Variants in SLC38A1 observed in about 807,000 individuals in gnomAD.
SLC38A1 encodes sodium-coupled neutral amino acid symporter 1.
A neutral mutation model predicts 60.3 loss-of-function variants in SLC38A1; 18 were observed. That is an observed-to-expected ratio of 0.30 (90% CI 0.21 to 0.44). The LOEUF is 0.44. SLC38A1 is among the 20% of genes least tolerant of loss of function. The pLI, the probability that SLC38A1 is intolerant of heterozygous loss-of-function variation, is 1.00. For synonymous variants in SLC38A1, 196 were observed against 212.1 expected (o/e 0.92, Z 0.66); for missense variants, 448 against 587.2 (o/e 0.76, Z 2.45).
Position 46,201,281 on chromosome 12 carries a change from ACTTTG to A in SLC38A1, c.903-88_903-84del, listed in dbSNP as rs1362070812. ...GTTAACATTGAAGAATACTAATTTAACTTTGCTTCTGTCAGGTTAGGGAAGATCTG... is the reference window on the plus strand; with the variant it reads ...GTTAACATTGAAGAATACTAATTTAACTTCTGTCAGGTTAGGGAAGATCTG... On this transcript the variant is annotated intron_variant, in intron 12 of 16. Transcript: ENST00000398637. 6 of 1,171,854 alleles carry A rather than the reference ACTTTG, an allele frequency of 5.1e-6. No individual in the cohort carries two copies. In the African/African-American group the frequency reaches 9.3e-5, roughly 18 times the overall value. 72.6% of individuals were successfully genotyped at this position (1,171,854 alleles called of 1,614,324 possible).
intron 5 of SLC38A1, among the ~76,000 whole-genome samples, chr12:46,220,298 A>C (rs1940607735): frequency 6.6e-6 from 1 of 152,130 alleles, no homozygotes; most frequent in Non-Finnish European, 1.5e-5. Flanking sequence ...CCGGGTTATT[A>C]CTCCCAAACA....
At chr12:46,201,659 C>T (rs1939664775) in intron 12 of SLC38A1, among the ~76,000 whole-genome samples, 1 of 151,880 alleles carries the variant, frequency 6.6e-6, no homozygotes, top group Non-Finnish European at 1.5e-5. Flanking sequence ...CAGGGATGCA[C>T]CTGGAAGTCT....
intron 16 of SLC38A1, among the ~76,000 whole-genome samples, chr12:46,193,656 T>C (rs1565747594): frequency 6.6e-6 from 1 of 152,232 alleles, no homozygotes; most frequent in Non-Finnish European, 1.5e-5. Flanking sequence ...TAGGTCTTCT[T>C]GGTGAATTGA....
chr12:46,215,459 T>C (rs1940364867), intron 5 of SLC38A1, among the ~76,000 whole-genome samples: 1 of 152,280 alleles, frequency 6.6e-6, no homozygotes, highest in Admixed American at 6.5e-5. Flanking sequence ...TCACCCAGGC[T>C]GGAGTGCAGT....
Position 46,187,972 on chromosome 12 carries a change from G to GT in SLC38A1, c.*997dup, listed in dbSNP as rs373612843. The stretch of plus-strand genomic sequence containing the variant: ...AGTTACTTATCCTAGATCATCCTTA[G>GT]TTAGGTACACATGATTCTCTGTGCA... On this transcript the variant is annotated 3_prime_UTR_variant, in exon 17 of 17. Coordinates refer to ENST00000398637, the MANE Select transcript of SLC38A1 (RefSeq NM_030674.4). 6.6e-6 allele frequency: 1 copy of GT among 152,064 alleles called. No homozygotes were observed. Among genetic ancestry groups the GT allele is most frequent in the African/African-American group, 2.4e-5 (1 of 41,390 alleles). The allele number at this position is 152,064 out of a possible 1,614,324, so 9.4% of individuals were successfully genotyped here. A position where few individuals can be genotyped will look rare whatever the true frequency, so the allele number is the denominator to read the frequency against.
chr12:46,201,942 C>T (rs1027032652), intron 12 of SLC38A1, among the ~76,000 whole-genome samples: 2 of 151,140 alleles, frequency 1.3e-5, no homozygotes, highest in African/African-American at 4.9e-5. Flanking sequence ...CCTATAATCC[C>T]AGCACTTTGG....
At chr12:46,191,735 T>C (rs1262195969) in intron 16 of SLC38A1, among the ~76,000 whole-genome samples, 2 of 152,270 alleles carry the variant, frequency 1.3e-5, no homozygotes, top group South Asian at 4.1e-4. Context: ...TGTTTGTCTA[T>C]TATTGGTGTA....
chr12:46,239,015 T>G (rs1941352004), intron 3 of SLC38A1: 1 of 152,230 alleles, frequency 6.6e-6, no homozygotes, highest in African/African-American at 2.4e-5. Flanking sequence ...GATTAAAATA[T>G]GTACAGATGA....
At chr12:46,226,583 A>T (rs1242920155) in intron 5 of SLC38A1, among the ~76,000 whole-genome samples, 1 of 151,654 alleles carries the variant, frequency 6.6e-6, no homozygotes, top group Non-Finnish European at 1.5e-5. Context: ...ACAATAATGT[A>T]AAAAAATTTC....
chr12:46,226,942 A>G (rs141287503), intron 5 of SLC38A1, among the ~76,000 whole-genome samples: 2 of 152,298 alleles, frequency 1.3e-5, no homozygotes, highest in East Asian at 3.9e-4. Context: ...TTCTAAAAGA[A>G]AAGATTGCAC....
intron 5 of SLC38A1, among the ~76,000 whole-genome samples, chr12:46,220,851 A>G (rs1179290537): frequency 6.6e-6 from 1 of 152,196 alleles, no homozygotes; most frequent in African/African-American, 2.4e-5. Context: ...TAAGAATATA[A>G]TTCTCCCGAT....
intron 1 of SLC38A1, among the ~76,000 whole-genome samples, chr12:46,254,403 G>A (rs1941955882): frequency 6.6e-6 from 1 of 152,202 alleles, no homozygotes; most frequent in Admixed American, 6.5e-5. Context: ...TAGTAACACT[G>A]ATTTGCTTTA....
intron 4 of SLC38A1, 88 bp from the exon 5 acceptor site, chr12:46,229,356 C>T: frequency 1.1e-6 from 1 of 916,304 alleles, no homozygotes; most frequent in Non-Finnish European, 1.7e-6. Context: ...TCTCAGGAAC[C>T]AATATGGAAG....
intron 1 of SLC38A1, among the ~76,000 whole-genome samples, chr12:46,255,577 T>C (rs1941992623): frequency 6.6e-6 from 1 of 152,242 alleles, no homozygotes; most frequent in Non-Finnish European, 1.5e-5. Flanking sequence ...CTTCTTATAA[T>C]CTTTCACCAA....
chr12:46,251,311 G>C (rs1273342813), intron 1 of SLC38A1, among the ~76,000 whole-genome samples: 1 of 152,174 alleles, frequency 6.6e-6, no homozygotes, highest in Non-Finnish European at 1.5e-5. Context: ...GCTGAAACTG[G>C]ATCCCTTCTT....
At position 46,257,526 on chromosome 12, in the gene SLC38A1, G is replaced by A. The variant is rs533399600; in HGVS notation, c.-209+11000C>T. 1.1e-4 allele frequency among the ~76,000 whole-genome samples: 17 copies of A among 152,108 alleles called. No individual in the cohort carries two copies. The East Asian group carries it at 1.9e-3, about 17-fold the overall frequency. On this transcript the variant is annotated intron_variant, in intron 1 of 16. Transcript: ENST00000398637. Reference sequence around the variant, plus strand: ...GGTACCCCACCACTTACCCCAAGTCGGCTGATCAATCTATTGCCTTTGGGT... The same window carrying A: ...GGTACCCCACCACTTACCCCAAGTCAGCTGATCAATCTATTGCCTTTGGGT...
chr12:46,197,772 A>G lies in SLC38A1; in HGVS notation c.1310T>C (p.Leu437Pro). The G allele has an allele frequency of 6.2e-7, 1 of 1,602,394 alleles. No homozygotes were observed. ...NMLIFILPSS[L>P]YLKITDQDGD... is the part of the protein sequence containing the mutation. ...ATCCTGGTCTGTGATTTTTAAATAAAGAGATGAAGGAAGAATGAAAATAAG... is the reference window on the plus strand; with the variant it reads ...ATCCTGGTCTGTGATTTTTAAATAAGGAGATGAAGGAAGAATGAAAATAAG... The change falls in exon 16 of 17, where the codon CTT becomes CCT. Residue 437 changes from leucine to proline, a missense_variant. By Grantham distance (98) the Leu-to-Pro change is moderately conservative (BLOSUM62 -3). Transcript: ENST00000398637.
chr12:46,198,534 T>A, intron 14 of SLC38A1, 91 bp downstream of exon 14: 1 of 816,402 alleles, frequency 1.2e-6, no homozygotes, highest in South Asian at 1.9e-5. Context: ...GAAAGTTACC[T>A]GGGGCAGGCT....
intron 16 of SLC38A1, among the ~76,000 whole-genome samples, chr12:46,195,234 C>T (rs1939315024): frequency 6.6e-6 from 1 of 152,082 alleles, no homozygotes; most frequent in Non-Finnish European, 1.5e-5. Context: ...GAGGTCCACT[C>T]CAGAATCTGT....
Sources: allele counts gnomAD v4.1 joint callset (sites outside exome capture counted in the v4.1 genomes callset), GRCh38; gene constraint gnomAD v4.1.1; transcripts MANE v1.5; gene names NCBI Gene and HGNC (gene_info 2026-07-23, HGNC 2026-07-21).